The following CDC42SE2 variants were observed in gnomAD, a reference collection of about 807,000 sequenced individuals.
CDC42SE2 encodes CDC42 small effector 2, also known as CDC42 small effector protein 2.
Under a neutral mutation model 11.5 loss-of-function variants are expected in CDC42SE2, and 3 were observed. That is an observed-to-expected ratio of 0.26 (90% confidence interval 0.12 to 0.67). The LOEUF (loss-of-function observed/expected upper bound fraction) is 0.67, where lower values mean the gene tolerates loss of function less well. CDC42SE2 is among the 30% of genes least tolerant of loss of function. CDC42SE2 has a pLI of 0.80. For synonymous variants in CDC42SE2, 33 were observed against 34.8 expected (o/e 0.95, Z 0.18); for missense variants, 82 against 106.8 (o/e 0.77, Z 1.02).
At chr5:131,287,364 T>G (rs1757362528) in intron 1 of CDC42SE2, among the ~76,000 whole-genome samples, 1 of 152,200 alleles carries the variant, frequency 6.6e-6, no homozygotes, top group South Asian at 2.1e-4. Context: ...GTTCAGAAAT[T>G]TTTCTTTTCT....
chr5:131,388,977 G>T (rs776119980), intron 4 of CDC42SE2, among the ~76,000 whole-genome samples: 6 of 152,044 alleles, frequency 3.9e-5, no homozygotes, highest in Non-Finnish European at 8.8e-5. Flanking sequence ...GGGACTACAG[G>T]CCTGCACCAC....
chr5:131,383,175 G>C (rs558371018), intron 3 of CDC42SE2, among the ~76,000 whole-genome samples: 1 of 152,182 alleles, frequency 6.6e-6, no homozygotes, highest in African/African-American at 2.4e-5. Flanking sequence ...GATGGTTGTG[G>C]GTGTCAAGTC....
chr5:131,303,944 T>C (rs1305670439), intron 1 of CDC42SE2, among the ~76,000 whole-genome samples: 1 of 151,988 alleles, frequency 6.6e-6, no homozygotes, highest in African/African-American at 2.4e-5. Context: ...GTGTACACTT[T>C]GGCTTCTGTC....
the CDC42SE2 span, among the ~76,000 whole-genome samples, chr5:131,231,598 C>T: frequency 6.6e-6 from 1 of 152,022 alleles, no homozygotes; most frequent in Non-Finnish European, 1.5e-5. Context: ...TCTAAAGAGG[C>T]CTATCTGAAA....
At chr5:131,278,392 G>T (rs1367408881) in intron 1 of CDC42SE2, among the ~76,000 whole-genome samples, 2 of 152,072 alleles carry the variant, frequency 1.3e-5, no homozygotes, top group African/African-American at 4.8e-5. Flanking sequence ...GCCTGTTTTA[G>T]AAAAGGATGA....
intron 2 of CDC42SE2, among the ~76,000 whole-genome samples, chr5:131,350,317 T>C (rs1758974420): frequency 6.6e-6 from 1 of 151,814 alleles, no homozygotes; most frequent in South Asian, 2.1e-4. Context: ...ATGATTTTCA[T>C]ATATTATTAA....
rs536659318 is a variant in CDC42SE2, at chr5:131,309,675, G to A, written c.-454-6301G>A. ...CAACTTCTTCCTGGTTTAGTCTTGG[G>A]AGAGTGTATGTGTCCAGGAATTTAT... On this transcript the variant is annotated intron_variant, in intron 1 of 4. Transcript: ENST00000505065. Among the ~76,000 whole-genome samples the A allele has an allele frequency of 6.8e-4, 104 of 151,836 alleles. 1 individual carries two copies. The highest frequency in any genetic ancestry group is 2.3e-3 in the African/African-American group (95 of 41,384).
the CDC42SE2 span, among the ~76,000 whole-genome samples, chr5:131,236,143 G>A: frequency 6.6e-6 from 1 of 151,714 alleles, no homozygotes; most frequent in African/African-American, 2.4e-5. Flanking sequence ...TTCTCAGATT[G>A]TCATTTGTCT....
intron 2 of CDC42SE2, among the ~76,000 whole-genome samples, chr5:131,337,441 G>C (rs1338074139): frequency 1.3e-5 from 2 of 152,238 alleles, no homozygotes; most frequent in African/African-American, 2.4e-5. Flanking sequence ...GAGGCAGTCT[G>C]CCCGTTCTCA....
At chr5:131,341,689 G>C (rs1758714972) in intron 2 of CDC42SE2, among the ~76,000 whole-genome samples, 1 of 152,118 alleles carries the variant, frequency 6.6e-6, no homozygotes, top group Non-Finnish European at 1.5e-5. Context: ...GGAAATTACA[G>C]GTGTTTTACA....
chr5:131,326,510 G>GTAA (rs1758305547), intron 2 of CDC42SE2, among the ~76,000 whole-genome samples: 1 of 152,044 alleles, frequency 6.6e-6, no homozygotes, highest in Non-Finnish European at 1.5e-5. Flanking sequence ...CAAATAATAT[G>GTAA]TATTCTCTGA....
At chr5:131,362,549 C>T (rs1359802255) in intron 3 of CDC42SE2, among the ~76,000 whole-genome samples, 1 of 152,054 alleles carries the variant, frequency 6.6e-6, no homozygotes, top group Non-Finnish European at 1.5e-5. Flanking sequence ...TGCTGCATGC[C>T]GACTCTCCCA....
At chr5:131,363,686 T>C (rs575001852) in intron 3 of CDC42SE2, among the ~76,000 whole-genome samples, 10 of 147,810 alleles carry the variant, frequency 6.8e-5, no homozygotes, top group South Asian at 2.1e-4. Flanking sequence ...CTTTTTTTTT[T>C]CTCTTACTCT....
chr5:131,357,626 C>T (rs1208371927), intron 2 of CDC42SE2, among the ~76,000 whole-genome samples: 1 of 152,146 alleles, frequency 6.6e-6, no homozygotes, highest in East Asian at 1.9e-4. Context: ...TATATTTCGC[C>T]ATTTGGGACA....
chr5:131,345,957 T>G (rs943373753), intron 2 of CDC42SE2, among the ~76,000 whole-genome samples: 1 of 152,118 alleles, frequency 6.6e-6, no homozygotes, highest in Non-Finnish European at 1.5e-5. Flanking sequence ...GCTGAGAGAT[T>G]TTGTCACCAC....
the CDC42SE2 span, among the ~76,000 whole-genome samples, chr5:131,235,433 G>A: frequency 6.6e-6 from 1 of 151,376 alleles, no homozygotes; most frequent in African/African-American, 2.4e-5. Context: ...GAGACTACAG[G>A]TGTACACCAC....
At chr5:131,306,567 G>A (rs1757782550) in intron 1 of CDC42SE2, among the ~76,000 whole-genome samples, 1 of 152,058 alleles carries the variant, frequency 6.6e-6, no homozygotes, top group Non-Finnish European at 1.5e-5. Flanking sequence ...TGCTTTGTCT[G>A]TTTGACGTCT....
chr5:131,387,822 C>T (rs988986378), intron 4 of CDC42SE2, among the ~76,000 whole-genome samples: 2 of 152,164 alleles, frequency 1.3e-5, no homozygotes, highest in Non-Finnish European at 1.5e-5. Context: ...GCAGCCTTCT[C>T]TGCTACTGAA....
intron 1 of CDC42SE2, among the ~76,000 whole-genome samples, chr5:131,276,080 A>G (rs1757094253): frequency 6.6e-6 from 1 of 151,590 alleles, no homozygotes; most frequent in African/African-American, 2.4e-5. Context: ...AAGTTCTGGT[A>G]TTTCATTATG....
Sources: allele counts gnomAD v4.1 joint callset (sites outside exome capture counted in the v4.1 genomes callset), GRCh38; gene constraint gnomAD v4.1.1; transcripts MANE v1.5; gene names NCBI Gene and HGNC (gene_info 2026-07-23, HGNC 2026-07-21).